TMPRSS6: variants seen among roughly 807,000 people sequenced by gnomAD.
TMPRSS6 encodes the protein transmembrane serine protease 6, also known as transmembrane protease serine 6.
In TMPRSS6, 67 loss-of-function variants were observed where a neutral mutation model predicts 101.5. That is an observed-to-expected ratio of 0.66 (90% CI 0.54 to 0.81). The LOEUF is 0.81. TMPRSS6 is among the 30% of genes least tolerant of loss of function. The pLI is 0.00. For missense variants in TMPRSS6, 1,034 were observed against 1,088.7 expected, an observed-to-expected ratio of 0.95 and a Z score of 0.71; for synonymous variants, 453 against 464.9, an observed-to-expected ratio of 0.97 and a Z score of 0.33.
intron 13 of TMPRSS6, 148 bp downstream of exon 13, chr22:37,073,382 GGA>G: frequency 1.6e-6 from 1 of 616,826 alleles, no homozygotes; most frequent in Non-Finnish European, 3.0e-6. Context: ...ATGGATGGAT[GGA>G]TGGATGGATG....
intron 6 of TMPRSS6, among the ~76,000 whole-genome samples, chr22:37,093,786 G>A (rs1444269537): frequency 6.6e-6 from 1 of 151,696 alleles, no homozygotes; most frequent in Non-Finnish European, 1.5e-5. Flanking sequence ...ACTTTGGGAG[G>A]TGGAGGCAGG....
intron 1 of TMPRSS6, among the ~76,000 whole-genome samples, chr22:37,105,230 A>G (rs1353808192): frequency 1.3e-5 from 2 of 152,170 alleles, no homozygotes; most frequent in African/African-American, 4.8e-5. Context: ...AGATACAAGG[A>G]AGGGAGGGAC....
chr22:37,078,946 AAGGAGAAAAAGAGAAAGAAAGAAAG>A (rs1333671628), intron 10 of TMPRSS6, among the ~76,000 whole-genome samples: 4 of 132,550 alleles, frequency 3.0e-5, no homozygotes, highest in African/African-American at 1.2e-4. Flanking sequence ...GGAGAAGGAG[AAGGAGAAAAAGAGAAAGAAAGAAAG>A]AAAAAGAAAG....
intron 6 of TMPRSS6, among the ~76,000 whole-genome samples, chr22:37,091,943 C>T (rs1304524228): frequency 6.6e-6 from 1 of 152,186 alleles, no homozygotes; most frequent in African/African-American, 2.4e-5. Context: ...AGCTGACCTC[C>T]CCAGAGAGAG....
rs1246464011 is a variant in TMPRSS6, at chr22:37,065,718, A to G, written c.*362T>C. The G allele has an allele frequency of 3.0e-6, 1 of 329,726 alleles. No individual in the cohort carries two copies. The highest frequency in any genetic ancestry group is 2.1e-5 in the African/African-American group (1 of 47,256). 20.4% of individuals were successfully genotyped at this position (329,726 alleles called of 1,614,324 possible). On this transcript the variant is annotated 3_prime_UTR_variant, in exon 18 of 18. Transcript: ENST00000676104. ...GCAAGGCTGCCCAAACAGCCTCTGT[A>G]CAGAGTGGGGCGCACCTCAGACACT...
Position 37,078,993 on chromosome 22 carries a change from G to GAAAGAAAGAAAGAA in TMPRSS6, c.1197-3727_1197-3714dup, listed in dbSNP as rs1928025105. Among the ~76,000 whole-genome samples, 12 of 150,932 alleles carry GAAAGAAAGAAAGAA rather than the reference G, an allele frequency of 8.0e-5. No homozygotes were observed. In the South Asian group the frequency reaches 2.1e-3, roughly 27 times the overall value. Reference sequence around the variant, plus strand: ...AAAGAAAAAGAAAGAAAGAAAGAAAGAAAGAAAGAAAGAAAGAAAGAAAGA... The same window carrying GAAAGAAAGAAAGAA: ...AAAGAAAAAGAAAGAAAGAAAGAAAGAAAGAAAGAAAGAAAAAGAAAGAAAGAAAGAAAGAAAGA... On this transcript the variant is annotated intron_variant, in intron 10 of 17. Coordinates refer to ENST00000676104, the MANE Select transcript of TMPRSS6 (RefSeq NM_001374504.1).
intron 10 of TMPRSS6, among the ~76,000 whole-genome samples, chr22:37,078,955 AAG>A (rs1366733715): frequency 0.031 from 3,461 of 110,526 alleles, 187 homozygotes; most frequent in African/African-American, 0.1. Flanking sequence ...GAAGGAGAAA[AAG>A]AGAAAGAAAG....
intron 2 of TMPRSS6, among the ~76,000 whole-genome samples, chr22:37,100,826 G>A (rs1930254634): frequency 6.6e-6 from 1 of 152,190 alleles, no homozygotes; most frequent in Admixed American, 6.5e-5. Context: ...AGAGAAAGGA[G>A]AGGCCCCACC....
rs936330828 is a variant in TMPRSS6, at chr22:37,065,986, C to G, written c.*94G>C. On this transcript the variant is annotated 3_prime_UTR_variant, in exon 18 of 18. Coordinates refer to ENST00000676104, the MANE Select transcript of TMPRSS6 (RefSeq NM_001374504.1). ...CCACCACAGGGCCTGCTCTCTCCCCCACCCCCCGCCAGAATACTTGTCCCC... is the reference window on the plus strand; with the variant it reads ...CCACCACAGGGCCTGCTCTCTCCCCGACCCCCCGCCAGAATACTTGTCCCC... 1.4e-5 allele frequency: 21 copies of G among 1,555,408 alleles called. No homozygotes were observed. Among genetic ancestry groups the G allele is most frequent in the Non-Finnish European group, 1.8e-5 (20 of 1,132,638 alleles).
chr22:37,097,329 A>G (rs566503422), intron 3 of TMPRSS6, among the ~76,000 whole-genome samples: 9 of 152,202 alleles, frequency 5.9e-5, no homozygotes, highest in Admixed American at 5.2e-4. Context: ...TCTGGGAAAC[A>G]GTAGTTGGGA....
chr22:37,092,317 C>A (rs1016839041), intron 6 of TMPRSS6, among the ~76,000 whole-genome samples: 1 of 151,976 alleles, frequency 6.6e-6, no homozygotes, highest in Non-Finnish European at 1.5e-5. Context: ...GCCTGAATTT[C>A]TTTTTCTTTT....
rs900555922 is a variant in TMPRSS6 at position 37,103,937 on chromosome 22, G to A, written c.-1-519C>T. ...CCCTGAGCTGGCACTGCGCTGGGCC[G>A]GGGACCTGCCTTCCTTCACAGAGTA... On this transcript the variant is annotated intron_variant, in intron 1 of 17. Coordinates refer to ENST00000676104, the MANE Select transcript of TMPRSS6 (RefSeq NM_001374504.1). The surrounding 1 kb of genome is among the most constrained non-coding windows in gnomAD (Gnocchi z 4.4). Among the ~76,000 whole-genome samples, 1 of 152,186 alleles carries A rather than the reference G, an allele frequency of 6.6e-6. No homozygotes were observed. Among genetic ancestry groups the A allele is most frequent in the Non-Finnish European group, 1.5e-5 (1 of 68,032 alleles).
chr22:37,106,025 T>G (rs1930692653), intron 1 of TMPRSS6, among the ~76,000 whole-genome samples: 1 of 152,056 alleles, frequency 6.6e-6, no homozygotes, highest in African/African-American at 2.4e-5. Context: ...CTCGGGGGCA[T>G]AGAGGTGGTA....
intron 6 of TMPRSS6, among the ~76,000 whole-genome samples, chr22:37,094,388 T>C (rs1471687440): frequency 1.4e-5 from 2 of 138,362 alleles, no homozygotes; most frequent in Middle Eastern, 3.7e-3. Flanking sequence ...TGATGATAGA[T>C]AGATAGATAG....
intron 10 of TMPRSS6, 178 bp downstream of exon 10, chr22:37,084,117 G>T (rs1337066877): frequency 1.5e-6 from 1 of 647,464 alleles, no homozygotes; most frequent in Non-Finnish European, 2.8e-6. Flanking sequence ...GGCGGAGGCT[G>T]GGACGAGGAC....
chr22:37,097,077 AG>A (rs2146159702), intron 3 of TMPRSS6, among the ~76,000 whole-genome samples: 2 of 128,984 alleles, frequency 1.6e-5, no homozygotes, highest in South Asian at 4.9e-4. Flanking sequence ...TCTGATGGGT[AG>A]TTTTTGCGCA....
chr22:37,100,823 G>A (rs1272789943), intron 2 of TMPRSS6, among the ~76,000 whole-genome samples: 1 of 152,198 alleles, frequency 6.6e-6, no homozygotes, highest in Non-Finnish European at 1.5e-5. Context: ...GAGAGAGAAA[G>A]GAGAGGCCCC....
At chr22:37,083,374 C>T (rs975482345) in intron 10 of TMPRSS6, among the ~76,000 whole-genome samples, 23 of 152,178 alleles carry the variant, frequency 1.5e-4, no homozygotes, top group Non-Finnish European at 2.9e-4. Flanking sequence ...ACCCTCCCCA[C>T]TCTAAACAAT....
intron 2 of TMPRSS6, among the ~76,000 whole-genome samples, chr22:37,102,770 G>A (rs1930434158): frequency 6.6e-6 from 1 of 152,132 alleles, no homozygotes; most frequent in Non-Finnish European, 1.5e-5. Flanking sequence ...CCTAGGCTAG[G>A]CTCAAGTGAG....
Sources: gnomAD v4.1 joint callset for allele counts (sites outside exome capture counted in the v4.1 genomes callset) on GRCh38, gnomAD v4.1.1 for gene constraint, Gnocchi (gnomAD v3.1) non-coding constraint, MANE v1.5 for transcripts, NCBI Gene and HGNC (gene_info 2026-07-23, HGNC 2026-07-21) for gene names.